The following WDR7 variants were observed in gnomAD, a reference collection of about 807,000 sequenced individuals.
WDR7 encodes the protein WD repeat domain 7.
A neutral mutation model predicts 169.4 loss-of-function variants in WDR7; 46 were observed. The ratio of observed to expected loss-of-function variants is 0.27; its 90% CI spans 0.21 to 0.35. The LOEUF is 0.35. WDR7 is among the 10% of genes least tolerant of loss of function. The pLI is 1.00. For synonymous variants in WDR7, 612 were observed against 666.8 expected (o/e 0.92, Z 1.27); for missense variants, 1,534 against 1,859.3 (o/e 0.83, Z 3.22).
chr18:56,685,914 T>C, intron 5 of WDR7, 42 bp from the exon 6 acceptor site: 1 of 1,495,788 alleles, frequency 6.7e-7, no homozygotes, highest in Non-Finnish European at 9.2e-7. Context: ...AAGCGTATTA[T>C]GTTCGTAACC....
intron 19 of WDR7, among the ~76,000 whole-genome samples, chr18:56,805,121 T>C (rs1259067338): frequency 6.6e-6 from 1 of 152,122 alleles, no homozygotes; most frequent in African/African-American, 2.4e-5. Flanking sequence ...CCCTAAGTAA[T>C]GCTTTGGGTT....
chr18:56,729,574 A>C (rs1427343804), intron 13 of WDR7, among the ~76,000 whole-genome samples: 1 of 151,986 alleles, frequency 6.6e-6, no homozygotes, highest in Non-Finnish European at 1.5e-5. Flanking sequence ...GCTTTTAAAC[A>C]TTGTTTTTGT....
chr18:56,982,383 G>A (rs554086855), intron 26 of WDR7, among the ~76,000 whole-genome samples: 61 of 152,302 alleles, frequency 4.0e-4, no homozygotes, highest in Admixed American at 3.2e-3. Flanking sequence ...ATTAGCAAAG[G>A]TATCAGAATT....
At chr18:57,021,984 T>C (rs2048298914) in intron 27 of WDR7, among the ~76,000 whole-genome samples, 1 of 152,232 alleles carries the variant, frequency 6.6e-6, no homozygotes, top group Admixed American at 6.5e-5. Context: ...TCTTCTACTT[T>C]TATCTAATTT....
intron 14 of WDR7, among the ~76,000 whole-genome samples, chr18:56,754,341 A>G (rs2144926297): frequency 6.7e-6 from 1 of 150,050 alleles, no homozygotes; most frequent in African/African-American, 2.5e-5. Flanking sequence ...ATACGTATAT[A>G]TGTGTGTATA....
downstream of WDR7, chr18:57,033,519 C>G (rs2048452820): frequency 1.3e-5 from 2 of 152,172 alleles, no homozygotes; most frequent in African/African-American, 4.8e-5. Flanking sequence ...GTCAAAAACC[C>G]TAATAAAAGA....
chr18:56,867,959 C>G (rs1226619929), intron 20 of WDR7, among the ~76,000 whole-genome samples: 1 of 151,976 alleles, frequency 6.6e-6, no homozygotes, highest in Non-Finnish European at 1.5e-5. Context: ...TCTATATGCT[C>G]ATTTGAAAAG....
chr18:56,968,371 C>T (rs572335112), intron 26 of WDR7, among the ~76,000 whole-genome samples: 2 of 152,028 alleles, frequency 1.3e-5, no homozygotes, highest in African/African-American at 2.4e-5. Context: ...ACAAACTGTG[C>T]TGTAATTATA....
chr18:56,799,563 T>TA (rs1173806448), intron 19 of WDR7, among the ~76,000 whole-genome samples: 2 of 152,126 alleles, frequency 1.3e-5, no homozygotes, highest in East Asian at 1.9e-4. Context: ...AGTAGTACTG[T>TA]TTGTAAATAT....
intron 26 of WDR7, among the ~76,000 whole-genome samples, chr18:56,963,508 G>T (rs758517588): frequency 1.8e-4 from 28 of 152,242 alleles, no homozygotes; most frequent in Non-Finnish European, 3.1e-4. Flanking sequence ...GTGTTGAGGT[G>T]TTGGGGGTAA....
chr18:56,797,825 T>C (rs2044609915), intron 19 of WDR7, among the ~76,000 whole-genome samples: 1 of 152,200 alleles, frequency 6.6e-6, no homozygotes, highest in Non-Finnish European at 1.5e-5. Context: ...TGCACATACA[T>C]GGAGCACAGC....
At chr18:57,019,587 A>G (rs2048257854) in intron 26 of WDR7, among the ~76,000 whole-genome samples, 1 of 152,212 alleles carries the variant, frequency 6.6e-6, no homozygotes, top group African/African-American at 2.4e-5. Flanking sequence ...TCTAATGACA[A>G]GAAAGGACAG....
chr18:56,779,073 C>T (rs942738910), intron 17 of WDR7, among the ~76,000 whole-genome samples: 2 of 152,152 alleles, frequency 1.3e-5, no homozygotes, highest in African/African-American at 4.8e-5. Flanking sequence ...GGTTTCAAAT[C>T]TATAGCTCTA....
At chr18:57,003,155 A>G (rs1417642726) in intron 26 of WDR7, among the ~76,000 whole-genome samples, 1 of 152,152 alleles carries the variant, frequency 6.6e-6, no homozygotes, top group Non-Finnish European at 1.5e-5. Flanking sequence ...GATTTATTAC[A>G]GTGTCCACAG....
rs1179581796 is a variant in WDR7, at chr18:56,823,595, CAAAA to C, written c.3304+7455_3304+7458del. On this transcript the variant is annotated intron_variant, in intron 20 of 27. Transcript: ENST00000254442. ...AGCAAGACTCCGTCTCTCAAACAAACAAAAAAACAAAAAAGGAGCTATGTTTCTT... is the reference window on the plus strand; with the variant it reads ...AGCAAGACTCCGTCTCTCAAACAAACAAACAAAAAAGGAGCTATGTTTCTT... Among the ~76,000 whole-genome samples the C allele has an allele frequency of 5.2e-4, 79 of 151,502 alleles. 3 individuals carry two copies. Among genetic ancestry groups the C allele is most frequent in the Non-Finnish European group, 8.8e-5 (6 of 67,848 alleles).
rs1390720980 is a variant in WDR7 at position 57,028,937 on chromosome 18, T to C, written c.*1730T>C. 1 of 152,660 alleles carries C rather than the reference T, an allele frequency of 6.6e-6. No homozygotes were observed. The highest frequency in any genetic ancestry group is 2.4e-5 in the African/African-American group (1 of 41,452). The allele number at this position is 152,660 out of a possible 1,614,324, so 9.5% of individuals were successfully genotyped here. A position where few individuals can be genotyped will look rare whatever the true frequency, so the allele number is the denominator to read the frequency against. On this transcript the variant is annotated 3_prime_UTR_variant, in exon 28 of 28. Transcript: ENST00000254442. ...AAAGACCTATACAGTTTAGACTTTATTTGTTTGGTGAACGTGCTGTTGTGT... is the reference window on the plus strand; with the variant it reads ...AAAGACCTATACAGTTTAGACTTTACTTGTTTGGTGAACGTGCTGTTGTGT...
chr18:56,932,008 TA>T (rs929624188), intron 22 of WDR7, among the ~76,000 whole-genome samples: 3 of 152,156 alleles, frequency 2.0e-5, no homozygotes, highest in African/African-American at 7.2e-5. Flanking sequence ...TACTTTTAAG[TA>T]GGGCAACCAG....
At chr18:56,698,064 G>A (rs542625297) in intron 12 of WDR7, among the ~76,000 whole-genome samples, 52 of 151,998 alleles carry the variant, frequency 3.4e-4, no homozygotes, top group Admixed American at 2.0e-3. Flanking sequence ...GTGTGATGGT[G>A]CATGCCTGTA....
chr18:56,932,988 A>G (rs76249256), intron 22 of WDR7, among the ~76,000 whole-genome samples: 5,070 of 152,216 alleles, frequency 0.033, 300 homozygotes, highest in African/African-American at 0.12. Context: ...GCGAGAACTT[A>G]GAGGTAATGG....
Sources: gnomAD v4.1 joint callset for allele counts (sites outside exome capture counted in the v4.1 genomes callset) on GRCh38, gnomAD v4.1.1 for gene constraint, MANE v1.5 for transcripts, NCBI Gene and HGNC (gene_info 2026-07-23, HGNC 2026-07-21) for gene names.